SLC4A4: variants seen among roughly 807,000 people sequenced by gnomAD.
The protein encoded by SLC4A4 is electrogenic sodium bicarbonate cotransporter 1.
SLC4A4 carries 27 observed loss-of-function variants against 111.5 expected under a neutral mutation model. That is an observed-to-expected ratio of 0.24 (90% CI 0.18 to 0.33). The LOEUF is 0.33. Among genes scored for constraint, SLC4A4 ranks in the 10% least tolerant of loss-of-function variants. The pLI, the probability that SLC4A4 is intolerant of heterozygous loss-of-function variation, is 1.00. For missense variants in SLC4A4, 909 were observed against 1,315.5 expected, an observed-to-expected ratio of 0.69 and a Z score of 4.78; for synonymous variants, 443 against 463.4, an observed-to-expected ratio of 0.96 and a Z score of 0.57.
At chr4:71,296,874 A>G (rs1258431263) in intron 3 of SLC4A4, among the ~76,000 whole-genome samples, 1 of 152,234 alleles carries the variant, frequency 6.6e-6, no homozygotes, top group East Asian at 1.9e-4. Context: ...AGGGCAGAAC[A>G]TAAGAAATTA....
chr4:71,096,811 G>A (rs1742570111), intron 2 of SLC4A4, among the ~76,000 whole-genome samples: 1 of 152,156 alleles, frequency 6.6e-6, no homozygotes, highest in Non-Finnish European at 1.5e-5. Context: ...ACTGGATTTA[G>A]GGACAAGGCA....
chr4:71,274,690 C>T (rs1481279178), intron 3 of SLC4A4, among the ~76,000 whole-genome samples: 1 of 152,110 alleles, frequency 6.6e-6, no homozygotes, highest in African/African-American at 2.4e-5. Flanking sequence ...AGGTGGAGTT[C>T]TAGCCTAGCT....
intron 7 of SLC4A4, among the ~76,000 whole-genome samples, chr4:71,403,980 A>T (rs1046793456): frequency 6.6e-6 from 1 of 152,200 alleles, no homozygotes; most frequent in African/African-American, 2.4e-5. Flanking sequence ...CCTTATTACT[A>T]TCAGCAAAGG....
chr4:71,316,878 A>G (rs556763400), intron 3 of SLC4A4, among the ~76,000 whole-genome samples: 5 of 152,242 alleles, frequency 3.3e-5, no homozygotes, highest in Admixed American at 2.6e-4. Flanking sequence ...TGCAAAGGAC[A>G]TGATCTCATT....
At chr4:71,344,016 C>T (rs920383323) in intron 4 of SLC4A4, among the ~76,000 whole-genome samples, 3 of 152,056 alleles carry the variant, frequency 2.0e-5, no homozygotes, top group East Asian at 3.9e-4. Context: ...TAATTGAAAC[C>T]TTCCCCCAAT....
chr4:71,508,215 A>C (rs1040184518), intron 16 of SLC4A4, among the ~76,000 whole-genome samples: 2 of 152,186 alleles, frequency 1.3e-5, no homozygotes, highest in Non-Finnish European at 2.9e-5. Context: ...AAGCTAGCAG[A>C]AGACAAGAAA....
chr4:71,311,971 A>G (rs1305287294), intron 3 of SLC4A4, among the ~76,000 whole-genome samples: 5 of 151,164 alleles, frequency 3.3e-5, no homozygotes, highest in South Asian at 2.1e-4. Flanking sequence ...CAAAAAATCA[A>G]TGATTGCGGG....
chr4:71,069,998 T>G (rs1741625358), intron 1 of SLC4A4, among the ~76,000 whole-genome samples: 1 of 152,206 alleles, frequency 6.6e-6, no homozygotes, highest in Non-Finnish European at 1.5e-5. Flanking sequence ...ATAACCCTCA[T>G]AAGTCTGTCT....
chr4:71,303,291 T>A (rs1438782907), intron 3 of SLC4A4, among the ~76,000 whole-genome samples: 3 of 152,226 alleles, frequency 2.0e-5, no homozygotes, highest in Admixed American at 2.0e-4. Context: ...AGCAGATTGG[T>A]CATCTATAAT....
intron 3 of SLC4A4, among the ~76,000 whole-genome samples, chr4:71,316,875 G>A (rs1726727615): frequency 6.6e-6 from 1 of 152,076 alleles, no homozygotes; most frequent in Non-Finnish European, 1.5e-5. Context: ...CCCTGCAAAG[G>A]ACATGATCTC....
At position 71,567,947 on chromosome 4, in the gene SLC4A4, T is replaced by C; in HGVS notation, c.*196T>C. On this transcript the variant is annotated 3_prime_UTR_variant, in exon 26 of 26. Coordinates refer to ENST00000264485, the MANE Select transcript of SLC4A4 (RefSeq NM_001098484.3). ...TGTTGTTAATGTCATTTGTTTTTGT[T>C]TGGCTGTTTGTTTATTTTTTAACTT... is the stretch of plus-strand genomic sequence containing the variant. 2 of 1,080,442 alleles carry C rather than the reference T, an allele frequency of 1.9e-6. No homozygotes were observed. The highest frequency in any genetic ancestry group is 2.7e-6 in the Non-Finnish European group (2 of 736,650). 66.9% of individuals were successfully genotyped at this position (1,080,442 alleles called of 1,614,324 possible). A position where few individuals can be genotyped will look rare whatever the true frequency, so the allele number is the denominator to read the frequency against.
At chr4:71,490,237 A>G (rs1578028151) in intron 15 of SLC4A4, among the ~76,000 whole-genome samples, 2 of 151,878 alleles carry the variant, frequency 1.3e-5, no homozygotes, top group African/African-American at 2.4e-5. Context: ...TCCAGCTCTC[A>G]GAGTGTGAGA....
chr4:71,420,464 C>T (rs1409646659), intron 7 of SLC4A4, among the ~76,000 whole-genome samples: 1 of 151,976 alleles, frequency 6.6e-6, no homozygotes, highest in Non-Finnish European at 1.5e-5. Context: ...GGCCAACATT[C>T]AGATTCAGGA....
At chr4:71,165,368 C>G (rs1484360648) in intron 2 of SLC4A4, among the ~76,000 whole-genome samples, 1 of 152,172 alleles carries the variant, frequency 6.6e-6, no homozygotes, top group East Asian at 1.9e-4. Flanking sequence ...TAATACTATG[C>G]AGCTATAAAA....
intron 7 of SLC4A4, among the ~76,000 whole-genome samples, chr4:71,418,427 G>T (rs142089177): frequency 2.6e-5 from 4 of 152,280 alleles, no homozygotes; most frequent in African/African-American, 9.6e-5. Context: ...TAATGATTTT[G>T]TCTGTATTCT....
intron 7 of SLC4A4, among the ~76,000 whole-genome samples, chr4:71,404,420 G>A (rs1720648467): frequency 6.6e-6 from 1 of 152,222 alleles, no homozygotes; most frequent in South Asian, 2.1e-4. Flanking sequence ...CGATTGCACT[G>A]CATCCCTGTA....
At chr4:71,199,626 G>C (rs1010373339) in intron 1 of SLC4A4, among the ~76,000 whole-genome samples, 9 of 152,094 alleles carry the variant, frequency 5.9e-5, no homozygotes, top group African/African-American at 1.9e-4. Flanking sequence ...ACATGGGCTT[G>C]AACAACACAG....
At chr4:71,224,140 A>G (rs1170999283) in intron 1 of SLC4A4, among the ~76,000 whole-genome samples, 1 of 152,094 alleles carries the variant, frequency 6.6e-6, no homozygotes, top group Non-Finnish European at 1.5e-5. Flanking sequence ...CCGTTCCCTA[A>G]GTCCCGTCTG....
At chr4:71,275,448 T>G (rs1026266940) in intron 3 of SLC4A4, among the ~76,000 whole-genome samples, 1 of 152,222 alleles carries the variant, frequency 6.6e-6, no homozygotes, top group Non-Finnish European at 1.5e-5. Flanking sequence ...TTCAAACTGG[T>G]TATCATAATT....
Sources: allele counts gnomAD v4.1 joint callset (sites outside exome capture counted in the v4.1 genomes callset), GRCh38; gene constraint gnomAD v4.1.1; transcripts MANE v1.5; gene names NCBI Gene and HGNC (gene_info 2026-07-23, HGNC 2026-07-21).